DLG2: variants seen among roughly 807,000 people sequenced by gnomAD.
The protein encoded by DLG2 is disks large homolog 2.
In DLG2, 45 loss-of-function variants were observed where a neutral mutation model predicts 132.5. The observed-to-expected ratio is 0.34, with a 90% CI of 0.27 to 0.44. The LOEUF is 0.44. DLG2 is among the 20% of genes least tolerant of loss of function. DLG2 has a pLI of 1.00. For synonymous variants in DLG2, 424 were observed against 419.6 expected, an observed-to-expected ratio of 1.01 and a Z score of -0.13; for missense variants, 1,045 against 1,196.9, an observed-to-expected ratio of 0.87 and a Z score of 1.87.
At chr11:84,195,725 G>A (rs953664696) in intron 8 of DLG2, among the ~76,000 whole-genome samples, 1 of 152,108 alleles carries the variant, frequency 6.6e-6, no homozygotes, top group African/African-American at 2.4e-5. Context: ...ACTTCCACAC[G>A]AAACTTCTGC....
intron 6 of DLG2, among the ~76,000 whole-genome samples, chr11:84,826,920 G>C (rs2078394751): frequency 6.6e-6 from 1 of 151,792 alleles, no homozygotes; most frequent in Non-Finnish European, 1.5e-5. Context: ...GTCTAAGCCT[G>C]GATGTTCAGT....
intron 7 of DLG2, among the ~76,000 whole-genome samples, chr11:84,334,065 C>T (rs2098472983): frequency 6.6e-6 from 1 of 152,062 alleles, no homozygotes; most frequent in African/African-American, 2.4e-5. Context: ...TCATAATATG[C>T]AAATATTAAG....
chr11:83,784,155 A>C (rs2094946497), intron 18 of DLG2, among the ~76,000 whole-genome samples: 1 of 152,230 alleles, frequency 6.6e-6, no homozygotes. Flanking sequence ...CATTGTCTTA[A>C]GGGTTGAACG....
chr11:84,552,911 G>T (rs2099404676), intron 6 of DLG2, among the ~76,000 whole-genome samples: 1 of 152,092 alleles, frequency 6.6e-6, no homozygotes, highest in East Asian at 1.9e-4. Context: ...CACGCACTTT[G>T]ATGTGAAATT....
At chr11:85,429,649 C>T (rs1165009141) in intron 3 of DLG2, among the ~76,000 whole-genome samples, 3 of 152,170 alleles carry the variant, frequency 2.0e-5, no homozygotes, top group East Asian at 1.9e-4. Flanking sequence ...AAATCAAAAC[C>T]ACAATGAGAT....
At chr11:84,231,031 A>G (rs1273355175) in intron 8 of DLG2, among the ~76,000 whole-genome samples, 1 of 152,220 alleles carries the variant, frequency 6.6e-6, no homozygotes, top group East Asian at 1.9e-4. Context: ...CTGCTAAAAA[A>G]TTAAACACAC....
chr11:84,743,370 C>G (rs2064939244), intron 6 of DLG2, among the ~76,000 whole-genome samples: 1 of 152,110 alleles, frequency 6.6e-6, no homozygotes, highest in African/African-American at 2.4e-5. Context: ...ATGTAGTATA[C>G]CAACCATCTT....
intron 5 of DLG2, among the ~76,000 whole-genome samples, chr11:85,149,035 G>C (rs2077049986): frequency 6.6e-6 from 1 of 152,076 alleles, no homozygotes; most frequent in Non-Finnish European, 1.5e-5. Flanking sequence ...CTTTTGTCTG[G>C]TTTGTTAAAG....
chr11:85,464,653 C>T (rs1002526759), intron 3 of DLG2, among the ~76,000 whole-genome samples: 2 of 152,032 alleles, frequency 1.3e-5, no homozygotes. Context: ...GACCCCTGGG[C>T]AGTAAAGGAT....
chr11:85,595,418 G>GT (rs2079678112), intron 3 of DLG2, among the ~76,000 whole-genome samples: 1 of 152,138 alleles, frequency 6.6e-6, no homozygotes, highest in African/African-American at 2.4e-5. Flanking sequence ...TGTTGATGCT[G>GT]TAATCATCTT....
At chr11:83,715,056 T>C (rs1016839369) in intron 18 of DLG2, among the ~76,000 whole-genome samples, 1 of 152,128 alleles carries the variant, frequency 6.6e-6, no homozygotes, top group Non-Finnish European at 1.5e-5. Flanking sequence ...GTGGCACATA[T>C]ACACCATGGA....
In DLG2 at chr11:84,615,818, T is replaced by TAAA. The variant is rs559199428; in HGVS notation, c.358-81090_358-81088dup. On this transcript the variant is annotated intron_variant, in intron 6 of 27. Transcript: ENST00000376104. ...AGAGAAAATTTCAGGACAAAAACGG[T>TAAA]AAAAAAAAAAAAAAAAAAAAAACTT... Among the ~76,000 whole-genome samples, 81 of 67,608 alleles carry TAAA rather than the reference T, an allele frequency of 1.2e-3. 1 individual carries two copies. Among genetic ancestry groups the TAAA allele is most frequent in the African/African-American group, 2.0e-3 (32 of 16,286 alleles). 44.4% of individuals were successfully genotyped at this position (67,608 alleles called of 152,430 possible). A position where few individuals can be genotyped will look rare whatever the true frequency, so the allele number is the denominator to read the frequency against.
At chr11:84,603,610 A>G (rs2099580511) in intron 6 of DLG2, among the ~76,000 whole-genome samples, 1 of 151,876 alleles carries the variant, frequency 6.6e-6, no homozygotes, top group South Asian at 2.1e-4. Flanking sequence ...TAATGGCTTC[A>G]TTTTCCTAGT....
In DLG2 at chr11:83,664,880, A is replaced by G. The variant is rs1448287602; in HGVS notation, c.1826-31555T>C. Among the ~76,000 whole-genome samples, 4 of 152,178 alleles carry G rather than the reference A, an allele frequency of 2.6e-5. 1 individual carries two copies. The highest frequency in any genetic ancestry group is 5.9e-5 in the Non-Finnish European group (4 of 68,026). Reference sequence around the variant, plus strand: ...TATTTAGCATTTAACTGAGTCCTGGAAGACACTATGAGTTTTTTCATTCTA... The same window carrying G: ...TATTTAGCATTTAACTGAGTCCTGGGAGACACTATGAGTTTTTTCATTCTA... On this transcript the variant is annotated intron_variant, in intron 18 of 27. Coordinates refer to ENST00000376104, the MANE Select transcript of DLG2 (RefSeq NM_001142699.3).
chr11:83,491,529 AG>A (rs2093844262), intron 21 of DLG2, among the ~76,000 whole-genome samples: 1 of 152,062 alleles, frequency 6.6e-6, no homozygotes, highest in Non-Finnish European at 1.5e-5. Flanking sequence ...GCTAAATAAA[AG>A]CACATCACTC....
chr11:84,924,830 C>T (rs1265337486), intron 6 of DLG2, among the ~76,000 whole-genome samples: 1 of 152,146 alleles, frequency 6.6e-6, no homozygotes, highest in African/African-American at 2.4e-5. Flanking sequence ...GCACTTACAA[C>T]ACAACCAGTG....
intron 7 of DLG2, among the ~76,000 whole-genome samples, chr11:84,324,324 G>A (rs989991845): frequency 6.6e-6 from 1 of 152,048 alleles, no homozygotes; most frequent in Non-Finnish European, 1.5e-5. Context: ...TTCCCCATGT[G>A]TAGTCTTGGC....
chr11:83,520,702 GATAGATAGA>G (rs1565617306), intron 21 of DLG2, among the ~76,000 whole-genome samples: 5 of 82,576 alleles, frequency 6.1e-5, no homozygotes, highest in African/African-American at 2.5e-4. Flanking sequence ...TAGGTAGATA[GATAGATAGA>G]TAGATAGATA....
intron 8 of DLG2, among the ~76,000 whole-genome samples, chr11:84,211,304 G>C (rs980665924): frequency 6.6e-6 from 1 of 152,106 alleles, no homozygotes; most frequent in East Asian, 1.9e-4. Flanking sequence ...CTTCAGCCTA[G>C]GTAATTGAGT....
Sources: allele counts gnomAD v4.1 joint callset (sites outside exome capture counted in the v4.1 genomes callset), GRCh38; gene constraint gnomAD v4.1.1; transcripts MANE v1.5; gene names NCBI Gene and HGNC (gene_info 2026-07-23, HGNC 2026-07-21).